ADCY9: variants seen among roughly 807,000 people sequenced by gnomAD.
The protein encoded by ADCY9 is adenylate cyclase 9.
In ADCY9, 50 loss-of-function variants were observed where a neutral mutation model predicts 101.5. The observed-to-expected ratio is 0.49, with a 90% confidence interval of 0.39 to 0.62. The LOEUF (loss-of-function observed/expected upper bound fraction) is 0.62, where lower values mean the gene tolerates loss of function less well. ADCY9 is among the 20% of genes least tolerant of loss of function. The pLI is 0.00. For missense variants in ADCY9, 1,662 were observed against 1,800.4 expected (o/e 0.92, Z 1.39); for synonymous variants, 905 against 769.3 (o/e 1.18, Z -2.92).
In ADCY9 at chr16:4,115,521, A is replaced by C. The variant is rs1205191345; in HGVS notation, c.-43-36T>G. 2.8e-6 allele frequency: 4 copies of C among 1,444,940 alleles called. No individual in the cohort carries two copies. The highest frequency in any genetic ancestry group is 2.5e-5 in the East Asian group (1 of 40,154). 89.5% of individuals were successfully genotyped at this position (1,444,940 alleles called of 1,614,324 possible). A position where few individuals can be genotyped will look rare whatever the true frequency, so the allele number is the denominator to read the frequency against. ...AACGGGGAGAGTTAGCGGCGCTCCC[A>C]CCTAGGCATGCACGCCTAGAGGCCC... On this transcript the variant is annotated intron_variant, in intron 1 of 10. Coordinates refer to ENST00000294016, the MANE Select transcript of ADCY9 (RefSeq NM_001116.4). The surrounding 1 kb of genome is among the most constrained non-coding windows in gnomAD (Gnocchi z 6.2).
intron 2 of ADCY9, among the ~76,000 whole-genome samples, chr16:4,024,524 G>T (rs573872765): frequency 6.6e-6 from 1 of 152,080 alleles, no homozygotes; most frequent in Non-Finnish European, 1.5e-5. Context: ...TTTTTCACCT[G>T]ATTTATGTTC....
At position 3,996,876 on chromosome 16, in the gene ADCY9, T is replaced by G. The variant is rs146946841; in HGVS notation, c.1885-3366A>C. On this transcript the variant is annotated intron_variant, in intron 3 of 10. Coordinates refer to ENST00000294016, the MANE Select transcript of ADCY9 (RefSeq NM_001116.4). ...TTTTCTCTCTTTTTTTGTTTGTTTG[T>G]TTTTTTGGGACTGAGTCTCGCTCTG... is the stretch of plus-strand genomic sequence containing the variant. Among the ~76,000 whole-genome samples, 1,238 of 152,194 alleles carry G rather than the reference T, an allele frequency of 8.1e-3. 21 individuals carry two copies. Among genetic ancestry groups the G allele is most frequent in the African/African-American group, 0.028 (1,178 of 41,512 alleles).
At chr16:4,081,030 G>A (rs546804005) in intron 2 of ADCY9, among the ~76,000 whole-genome samples, 82 of 152,224 alleles carry the variant, frequency 5.4e-4, no homozygotes, top group Non-Finnish European at 8.8e-4. Flanking sequence ...ACCTTGACTC[G>A]AGGTAGGGAA....
At position 4,074,716 on chromosome 16, in the gene ADCY9, C is replaced by CAAAAA. The variant is rs55742993; in HGVS notation, c.1693+39029_1693+39033dup. On this transcript the variant is annotated intron_variant, in intron 2 of 10. Coordinates refer to ENST00000294016, the MANE Select transcript of ADCY9 (RefSeq NM_001116.4). ...TGGATGACAGGGCAATACCCAGTGG[C>CAAAAA]AAAAAAAAAAAAAAATAGAAAACAC... Among the ~76,000 whole-genome samples, 223 of 100,398 alleles carry CAAAAA rather than the reference C, an allele frequency of 2.2e-3. 9 individuals carry two copies. Among genetic ancestry groups the CAAAAA allele is most frequent in the African/African-American group, 6.9e-3 (178 of 25,646 alleles). 65.9% of individuals were successfully genotyped at this position (100,398 alleles called of 152,430 possible).
At chr16:4,075,012 C>CA (rs1348747930) in intron 2 of ADCY9, among the ~76,000 whole-genome samples, 1 of 151,810 alleles carries the variant, frequency 6.6e-6, no homozygotes, top group Non-Finnish European at 1.5e-5. Flanking sequence ...CCCGTCTCCA[C>CA]AAAAAAATAG....
At chr16:4,096,266 A>C (rs1314719697) in intron 2 of ADCY9, among the ~76,000 whole-genome samples, 1 of 152,202 alleles carries the variant, frequency 6.6e-6, no homozygotes, top group African/African-American at 2.4e-5. Flanking sequence ...ATTAAGAATG[A>C]GCACTATGTC....
chr16:4,114,604 T>A lies in ADCY9; in HGVS notation c.839A>T (p.Glu280Val). ...PSPGAGALHW[E>V]LLSRGLLHGC... ...GTGGAGCAGCCCCCTGCTCAGCAGC[T>A]CCCAGTGCAGGGCCCCGGCTCCGGG... Residue 280 changes from glutamate (E) to valine (V), a missense_variant, in exon 2 of 11, where the codon GAG (glutamate) becomes GTG (valine). Physicochemically the swap from Glu to Val is moderately radical, Grantham distance 121 (BLOSUM62 -2). Around this residue, in one of 5 missense-constraint regions of ADCY9, gnomAD observed 422 missense variants for 392.0 expected, o/e 1.08. Transcript: ENST00000294016. The surrounding 1 kb of genome is among the most constrained non-coding windows in gnomAD (Gnocchi z 4.3). The A allele has an allele frequency of 6.2e-7, 1 of 1,613,742 alleles. No homozygotes were observed. Among genetic ancestry groups the A allele is most frequent in the Non-Finnish European group, 8.5e-7 (1 of 1,180,024 alleles).
rs1555504577 is a variant in ADCY9, at chr16:3,956,488, C to CT, written c.568-2973dup. On this transcript the variant is annotated intron_variant, in intron 5 of 5. Transcript: ENST00000576936. ...AAGGACAAGACACCAGCGCAATGAGCTTTTTTTTTTTTTTTGGGGGGGGAT... is the reference window on the plus strand; with the variant it reads ...AAGGACAAGACACCAGCGCAATGAGCTTTTTTTTTTTTTTTTGGGGGGGGAT... Among the ~76,000 whole-genome samples the CT allele has an allele frequency of 4.4e-3, 302 of 68,800 alleles. 19 individuals carry two copies. Among genetic ancestry groups the CT allele is most frequent in the Middle Eastern group, 0.011 (1 of 90 alleles). 45.1% of individuals were successfully genotyped at this position (68,800 alleles called of 152,430 possible). A position where few individuals can be genotyped will look rare whatever the true frequency, so the allele number is the denominator to read the frequency against.
At chr16:4,030,589 G>T (rs190062035) in intron 2 of ADCY9, among the ~76,000 whole-genome samples, 1 of 152,154 alleles carries the variant, frequency 6.6e-6, no homozygotes, top group Admixed American at 6.6e-5. Flanking sequence ...TGTAGTCCCA[G>T]CTCCTCAGGA....
intron 7 of ADCY9, 88 bp from the exon 8 acceptor site, chr16:3,979,363 G>T: frequency 1.4e-6 from 2 of 1,469,328 alleles, no homozygotes; most frequent in South Asian, 2.4e-5. Flanking sequence ...AGCCAGCGCC[G>T]CCCTCTGCTC....
Position 3,992,155 on chromosome 16 carries a change from T to C in ADCY9, c.2198A>G (p.Lys733Arg), listed in dbSNP as rs1471789490. The C allele has an allele frequency of 4.3e-6, 7 of 1,614,090 alleles. No homozygotes were observed. Among genetic ancestry groups the C allele is most frequent in the African/African-American group, 2.7e-5 (2 of 74,928 alleles). The change falls in exon 5 of 11, where the codon AAA becomes AGA. Residue 733 changes from lysine to arginine, a missense_variant. This residue lies in a region of ADCY9 where 624 missense variants were observed against 639.1 expected (regional missense o/e 0.98). Coordinates refer to ENST00000294016, the MANE Select transcript of ADCY9 (RefSeq NM_001116.4). The surrounding 1 kb of genome is among the most constrained non-coding windows in gnomAD (Gnocchi z 4.2). Reference protein sequence around the residue: ...KTDAHFVDVIKEDSLMKDYFF... With the variant: ...KTDAHFVDVIREDSLMKDYFF... ...ACAGCCCCAGTCGTACCTGTCTTCT[T>C]TGATAACGTCCACAAAGTGGGCGTC...
chr16:4,066,246 A>G (rs1346722261), intron 2 of ADCY9, among the ~76,000 whole-genome samples: 2 of 152,216 alleles, frequency 1.3e-5, no homozygotes, highest in Non-Finnish European at 2.9e-5. Flanking sequence ...AATAGTTCTA[A>G]TATATAATTC....
intron 6 of ADCY9, among the ~76,000 whole-genome samples, chr16:3,985,915 T>A (rs67473307): frequency 0.13 from 19,494 of 151,964 alleles, 1,406 homozygotes; most frequent in South Asian, 0.33. Flanking sequence ...GAGTGCCACC[T>A]GTCCCAGTCC....
Position 3,966,809 on chromosome 16 carries a change from C to T in ADCY9, c.3028G>A (p.Gly1010Arg), listed in dbSNP as rs2056001864. ...FEVSYRLHYHGDVEADLHRTK... is the reference protein window; with the variant it reads ...FEVSYRLHYHRDVEADLHRTK... ...CGGTGAAGATCCGCTTCCACGTCTC[C>T]GTGGTAGTGGAGGCGGTAGCTGACT... The change falls in exon 11 of 11, where the codon GGA (glycine) becomes AGA (arginine). Residue 1010 changes from glycine to arginine, a missense_variant. Transcript: ENST00000294016. 1.2e-6 allele frequency: 2 copies of T among 1,614,074 alleles called. No homozygotes were observed. Among genetic ancestry groups the T allele is most frequent in the Non-Finnish European group, 1.7e-6 (2 of 1,180,046 alleles).
intron 2 of ADCY9, among the ~76,000 whole-genome samples, chr16:4,051,451 G>A (rs947064852): frequency 2.6e-5 from 4 of 151,988 alleles, no homozygotes; most frequent in Middle Eastern, 3.4e-3. Context: ...GTGAACCCGG[G>A]AGGCGGAGCT....
At chr16:3,990,113 T>C (rs146556135) in intron 5 of ADCY9, among the ~76,000 whole-genome samples, 1,931 of 152,250 alleles carry the variant, frequency 0.013, 17 homozygotes, top group Non-Finnish European at 0.018. Context: ...TTAACATGAT[T>C]TCAGAAAGCA....
In ADCY9 at chr16:3,970,950, A is replaced by G. The variant is rs7198278; in HGVS notation, c.2870+3719T>C. 4.8e-3 allele frequency among the ~76,000 whole-genome samples: 737 copies of G among 152,200 alleles called. 6 individuals carry two copies. The highest frequency in any genetic ancestry group is 0.017 in the African/African-American group (710 of 41,544). On this transcript the variant is annotated intron_variant, in intron 10 of 10. Transcript: ENST00000294016. ...AAAGGCCTGAGGCTGCCATCCTTGG[A>G]AAGACCTGCCTGCAAAGGTGGTGGC... is the stretch of plus-strand genomic sequence containing the variant.
intron 5 of ADCY9, 134 bp from the exon 6 acceptor site, chr16:3,989,230 A>C (rs1351415311): frequency 2.2e-5 from 14 of 625,868 alleles, no homozygotes; most frequent in Non-Finnish European, 3.7e-5. Flanking sequence ...CGCCTGTGGA[A>C]CAGACGCCAC....
At chr16:4,058,186 G>A (rs139147442) in intron 2 of ADCY9, among the ~76,000 whole-genome samples, 2 of 149,122 alleles carry the variant, frequency 1.3e-5, no homozygotes, top group East Asian at 2.0e-4. Flanking sequence ...AGTTGAGGCT[G>A]GGCGCAGTGG....
Sources: gnomAD v4.1 joint callset for allele counts (sites outside exome capture counted in the v4.1 genomes callset) on GRCh38, gnomAD v4.1.1 for gene constraint, gnomAD v4.1.1 regional missense constraint, Gnocchi (gnomAD v3.1) non-coding constraint, MANE v1.5 for transcripts, NCBI Gene and HGNC (gene_info 2026-07-23, HGNC 2026-07-21) for gene names.